CSMD1: variants seen among roughly 807,000 people sequenced by gnomAD.
CSMD1 encodes CUB and sushi domain-containing protein 1.
Under a neutral mutation model 417.5 loss-of-function variants are expected in CSMD1, and 213 were observed. That is an observed-to-expected ratio of 0.51 (90% CI 0.46 to 0.57). The LOEUF (loss-of-function observed/expected upper bound fraction) is 0.57, where lower values mean the gene tolerates loss of function less well. Among genes scored for constraint, CSMD1 ranks in the 20% least tolerant of loss-of-function variants. CSMD1 has a pLI of 0.00. For synonymous variants in CSMD1, 2,862 were observed against 1,736.8 expected, an observed-to-expected ratio of 1.65 and a Z score of -16.11; for missense variants, 6,923 against 4,529.7, an observed-to-expected ratio of 1.53 and a Z score of -15.17.
chr8:4,593,008 A>T (rs994621832), intron 2 of CSMD1, among the ~76,000 whole-genome samples: 3 of 152,196 alleles, frequency 2.0e-5, no homozygotes, highest in African/African-American at 7.2e-5. Context: ...AAAACTATTT[A>T]GAAAATTTCT....
chr8:4,211,394 AT>A (rs531807471), intron 3 of CSMD1, among the ~76,000 whole-genome samples: 3 of 152,178 alleles, frequency 2.0e-5, no homozygotes, highest in Non-Finnish European at 4.4e-5. Flanking sequence ...ATTTAAAATT[AT>A]TTTACCTAAA....
intron 12 of CSMD1, among the ~76,000 whole-genome samples, chr8:3,412,305 T>G (rs1233992811): frequency 6.6e-6 from 1 of 151,964 alleles, no homozygotes; most frequent in Non-Finnish European, 1.5e-5. Flanking sequence ...AATATGTGTG[T>G]GCAAGTATCT....
chr8:3,318,598 A>T (rs1805939773), intron 23 of CSMD1, among the ~76,000 whole-genome samples: 1 of 152,212 alleles, frequency 6.6e-6, no homozygotes, highest in Non-Finnish European at 1.5e-5. Context: ...TCGTGACACA[A>T]TGCTGTGTTT....
At chr8:3,631,215 G>A (rs1374464476) in intron 7 of CSMD1, among the ~76,000 whole-genome samples, 14 of 152,138 alleles carry the variant, frequency 9.2e-5, no homozygotes, top group Admixed American at 9.2e-4. Flanking sequence ...ATGTTGCTAT[G>A]TGGACAGCAC....
intron 3 of CSMD1, among the ~76,000 whole-genome samples, chr8:4,386,442 A>G (rs1025959992): frequency 1.3e-5 from 2 of 152,224 alleles, no homozygotes; most frequent in Non-Finnish European, 2.9e-5. Context: ...ACTATCAGAC[A>G]TTCTCCTCTC....
intron 3 of CSMD1, among the ~76,000 whole-genome samples, chr8:4,212,906 G>C (rs988158790): frequency 1.3e-5 from 2 of 151,992 alleles, no homozygotes; most frequent in African/African-American, 4.8e-5. Context: ...GAGCTGGAAA[G>C]AAGACACTTC....
chr8:3,647,758 G>C (rs1797649564), intron 7 of CSMD1, among the ~76,000 whole-genome samples: 1 of 152,206 alleles, frequency 6.6e-6, no homozygotes. Context: ...CAGAGAGTGA[G>C]ACAGAGAGAA....
intron 2 of CSMD1, among the ~76,000 whole-genome samples, chr8:4,463,959 T>C (rs1799996377): frequency 6.6e-6 from 1 of 152,118 alleles, no homozygotes; most frequent in Non-Finnish European, 1.5e-5. Context: ...CAGAGCGCAA[T>C]ATGGGATATT....
chr8:3,336,131 A>C (rs1229135470), intron 23 of CSMD1, among the ~76,000 whole-genome samples: 1 of 151,338 alleles, frequency 6.6e-6, no homozygotes, highest in African/African-American at 2.4e-5. Flanking sequence ...GGTTTCTCCA[A>C]ACCTCTGTTC....
At chr8:4,536,707 G>T (rs935085896) in intron 2 of CSMD1, among the ~76,000 whole-genome samples, 17 of 152,108 alleles carry the variant, frequency 1.1e-4, no homozygotes, top group Non-Finnish European at 2.4e-4. Flanking sequence ...AGAATAAAAA[G>T]TTTTGAGTAT....
chr8:3,619,319 G>T (rs1802302554), intron 7 of CSMD1, among the ~76,000 whole-genome samples: 1 of 152,002 alleles, frequency 6.6e-6, no homozygotes, highest in South Asian at 2.1e-4. Flanking sequence ...ACTAATTAGT[G>T]AACATTTTCT....
At chr8:4,717,777 A>G (rs895359410) in intron 1 of CSMD1, among the ~76,000 whole-genome samples, 4 of 152,158 alleles carry the variant, frequency 2.6e-5, no homozygotes, top group Admixed American at 2.6e-4. Flanking sequence ...GATTGTCAAT[A>G]AAAGCATACA....
At chr8:3,899,824 C>G (rs139042426) in intron 5 of CSMD1, among the ~76,000 whole-genome samples, 2 of 152,330 alleles carry the variant, frequency 1.3e-5, no homozygotes, top group African/African-American at 4.8e-5. Context: ...CAGTATGACC[C>G]TACCACAGGT....
At chr8:3,524,051 G>A (rs563216608) in intron 10 of CSMD1, among the ~76,000 whole-genome samples, 3 of 113,148 alleles carry the variant, frequency 2.7e-5, no homozygotes, top group African/African-American at 3.6e-5. Flanking sequence ...CCAGAGACAC[G>A]TGCACACACA....
chr8:4,688,699 C>G (rs534752555), intron 1 of CSMD1, among the ~76,000 whole-genome samples: 1 of 152,212 alleles, frequency 6.6e-6, no homozygotes, highest in Non-Finnish European at 1.5e-5. Context: ...ATATGAGATT[C>G]GTGTAGCACT....
intron 3 of CSMD1, among the ~76,000 whole-genome samples, chr8:4,097,201 G>T (rs1433277256): frequency 6.6e-6 from 1 of 152,140 alleles, no homozygotes. Flanking sequence ...CTGATTGAAT[G>T]AATCAAGTAG....
intron 3 of CSMD1, among the ~76,000 whole-genome samples, chr8:4,098,773 T>C (rs935107205): frequency 2.0e-5 from 3 of 152,204 alleles, no homozygotes; most frequent in African/African-American, 7.2e-5. Context: ...AGGGATAGAA[T>C]TGCAGTCATT....
chr8:4,928,614 G>A (rs13269117), intron 1 of CSMD1, among the ~76,000 whole-genome samples: 42,366 of 152,068 alleles, frequency 0.28, 7,530 homozygotes, highest in Non-Finnish European at 0.4. Context: ...AACGCGCTGA[G>A]AAGTAACTGG....
In CSMD1 at chr8:4,215,223, G is replaced by A. The variant is rs913148132; in HGVS notation, c.416-183124C>T. 2.6e-5 allele frequency among the ~76,000 whole-genome samples: 4 copies of A among 152,216 alleles called. No individual in the cohort carries two copies. The East Asian group carries it at 7.7e-4, about 29-fold the overall frequency. The stretch of plus-strand genomic sequence containing the variant: ...CTTAACCAGCTGCGACCTCTAGGTA[G>A]AAATTCTTGATCAGAGATGTGCTTT... On this transcript the variant is annotated intron_variant, in intron 3 of 69. Coordinates refer to ENST00000635120, the MANE Select transcript of CSMD1 (RefSeq NM_033225.6).
Sources: gnomAD v4.1 joint callset for allele counts (sites outside exome capture counted in the v4.1 genomes callset) on GRCh38, gnomAD v4.1.1 for gene constraint, MANE v1.5 for transcripts, NCBI Gene and HGNC (gene_info 2026-07-23, HGNC 2026-07-21) for gene names.